Variants in DLGAP2 observed in about 807,000 individuals in gnomAD.
DLGAP2 encodes the protein disks large-associated protein 2.
Under a neutral mutation model 100.3 loss-of-function variants are expected in DLGAP2, and 26 were observed. The observed-to-expected ratio is 0.26, with a 90% CI of 0.19 to 0.36. The LOEUF (loss-of-function observed/expected upper bound fraction) is 0.36, where lower values mean the gene tolerates loss of function less well. Among genes scored for constraint, DLGAP2 ranks in the 10% least tolerant of loss-of-function variants. DLGAP2 has a pLI of 1.00. For missense variants in DLGAP2, 1,858 were observed against 1,453.2 expected, an observed-to-expected ratio of 1.28 and a Z score of -4.53; for synonymous variants, 886 against 630.1, an observed-to-expected ratio of 1.41 and a Z score of -6.08.
rs558429117 is a variant in DLGAP2, at chr8:1,235,442, G to A, written c.74-23409G>A. On this transcript the variant is annotated intron_variant, in intron 2 of 14. Transcript: ENST00000637795. Reference sequence around the variant, plus strand: ...CGTGTCTAGTTCCCTCACACATGGCGTCGTGTCTAGTTCCCTCTCACATGT... The same window carrying A: ...CGTGTCTAGTTCCCTCACACATGGCATCGTGTCTAGTTCCCTCTCACATGT... Among the ~76,000 whole-genome samples the A allele has an allele frequency of 9.2e-5, 14 of 151,794 alleles. No individual in the cohort carries two copies. The East Asian group carries it at 1.2e-3, about 13-fold the overall frequency.
intron 4 of DLGAP2, among the ~76,000 whole-genome samples, chr8:1,532,197 G>T (rs1801008882): frequency 6.6e-6 from 1 of 152,156 alleles, no homozygotes; most frequent in Non-Finnish European, 1.5e-5. Context: ...TTTCCCTTTA[G>T]CTTAGTGATA....
chr8:1,208,907 A>C (rs1798049977), intron 2 of DLGAP2, among the ~76,000 whole-genome samples: 1 of 150,134 alleles, frequency 6.7e-6, no homozygotes, highest in Non-Finnish European at 1.5e-5. Context: ...TAAATAAATA[A>C]ATAAAATGCT....
intron 3 of DLGAP2, among the ~76,000 whole-genome samples, chr8:1,356,106 C>T (rs1801844848): frequency 6.6e-6 from 1 of 152,188 alleles, no homozygotes; most frequent in African/African-American, 2.4e-5. Context: ...ACAAGGTGGG[C>T]CCCACTGGGA....
Position 1,287,694 on chromosome 8 carries a change from A to AGT in DLGAP2, c.106+28836_106+28837dup, listed in dbSNP as rs1271962722. 1.2e-3 allele frequency among the ~76,000 whole-genome samples: 72 copies of AGT among 57,754 alleles called. 2 individuals are homozygous for AGT. Among genetic ancestry groups the AGT allele is most frequent in the South Asian group, 8.3e-3 (11 of 1,332 alleles). The allele number at this position is 57,754 out of a possible 152,430, so 37.9% of individuals were successfully genotyped here. A position where few individuals can be genotyped will look rare whatever the true frequency, so the allele number is the denominator to read the frequency against. On this transcript the variant is annotated intron_variant, in intron 3 of 14. Transcript: ENST00000637795. ...TTAGGAGGGGAACTAGTTTCGGTTCAGTGTGTGTGTGTGTGTGTGTGTGTG... is the reference window on the plus strand; with the variant it reads ...TTAGGAGGGGAACTAGTTTCGGTTCAGTGTGTGTGTGTGTGTGTGTGTGTGTG...
At chr8:1,593,888 A>G (rs1296669145) in intron 6 of DLGAP2, among the ~76,000 whole-genome samples, 1 of 152,222 alleles carries the variant, frequency 6.6e-6, no homozygotes, top group South Asian at 2.1e-4. Context: ...TGATCCATGC[A>G]TCCCACACCT....
chr8:1,287,282 G>GTGTGT (rs1200556783), intron 3 of DLGAP2, among the ~76,000 whole-genome samples: 12,199 of 101,598 alleles, frequency 0.12, 1,822 homozygotes, highest in East Asian at 0.2. Flanking sequence ...GTGTGTGTGT[G>GTGTGT]GTTGTTAGGA....
intron 3 of DLGAP2, among the ~76,000 whole-genome samples, 179 bp downstream of exon 3, chr8:1,259,062 A>G (rs1316719190): frequency 6.6e-6 from 1 of 152,254 alleles, no homozygotes; most frequent in African/African-American, 2.4e-5. Context: ...GGTGAGCGTT[A>G]GGACTCAGCA....
At chr8:1,239,575 G>A (rs1267005956) in intron 2 of DLGAP2, among the ~76,000 whole-genome samples, 1 of 110,030 alleles carries the variant, frequency 9.1e-6, no homozygotes. Context: ...CTCTCACATG[G>A]CGCCGTGTCT....
At position 1,073,408 on chromosome 8, in the gene DLGAP2, G is replaced by T. The variant is rs74704231; in HGVS notation, c.73+165442G>T. 2.8e-3 allele frequency among the ~76,000 whole-genome samples: 420 copies of T among 152,096 alleles called. 9 individuals are homozygous for T. Among genetic ancestry groups the T allele is most frequent in the East Asian group, 6.8e-3 (35 of 5,176 alleles). The stretch of plus-strand genomic sequence containing the variant: ...TGAAATTTTTTTTAATGATCATGGG[G>T]TTCTATGATAGAACTATTTTTGTAT... On this transcript the variant is annotated intron_variant, in intron 2 of 14. Transcript: ENST00000637795.
intron 3 of DLGAP2, among the ~76,000 whole-genome samples, chr8:1,456,070 C>A (rs972733001): frequency 2.6e-5 from 4 of 152,224 alleles, no homozygotes; most frequent in Non-Finnish European, 4.4e-5. Flanking sequence ...TGGCCAACTC[C>A]TGGGTCCCTC....
intron 2 of DLGAP2, among the ~76,000 whole-genome samples, chr8:1,040,158 C>T (rs541523847): frequency 1.5e-4 from 21 of 142,130 alleles, no homozygotes; most frequent in East Asian, 1.1e-3. Flanking sequence ...GTGTTCGGCT[C>T]GGTGTGTGTT....
chr8:1,243,412 C>T (rs1798840285), intron 2 of DLGAP2, among the ~76,000 whole-genome samples: 1 of 152,206 alleles, frequency 6.6e-6, no homozygotes. Context: ...TCCTGCGCAG[C>T]TGCCTGGCCT....
chr8:1,624,699 T>C (rs1797445165), intron 6 of DLGAP2, among the ~76,000 whole-genome samples: 1 of 152,002 alleles, frequency 6.6e-6, no homozygotes, highest in African/African-American at 2.4e-5. Flanking sequence ...CCCCTGCTGG[T>C]GCTGGTGCCG....
Position 1,179,806 on chromosome 8 carries a change from C to T in DLGAP2, c.74-79045C>T, listed in dbSNP as rs374926618. 2.8e-4 allele frequency among the ~76,000 whole-genome samples: 42 copies of T among 152,262 alleles called. 1 individual carries two copies. In the East Asian group the frequency reaches 4.6e-3, roughly 17 times the overall value. Reference sequence around the variant, plus strand: ...AATAAAAATATTTTAGGGTTCACGGCATACCCTTACATTTATACCCAGTGA... The same window carrying T: ...AATAAAAATATTTTAGGGTTCACGGTATACCCTTACATTTATACCCAGTGA... On this transcript the variant is annotated intron_variant, in intron 2 of 14. Coordinates refer to ENST00000637795, the MANE Select transcript of DLGAP2 (RefSeq NM_001346810.2).
intron 2 of DLGAP2, among the ~76,000 whole-genome samples, chr8:1,048,466 T>A (rs938703935): frequency 3.3e-5 from 5 of 152,080 alleles, no homozygotes; most frequent in African/African-American, 9.7e-5. Context: ...TCTGTGCGTC[T>A]GTGCTCAGTG....
rs750190980 is a variant in DLGAP2 at position 1,548,771 on chromosome 8, C to T, written c.318C>T (p.Asp106=). Reference sequence around the variant, plus strand: ...CGTGTGGTCTGGCGCCCCCGGAGGACTGCGAGCACCTGCACCACGGGCCCG... The same window carrying T: ...CGTGTGGTCTGGCGCCCCCGGAGGATTGCGAGCACCTGCACCACGGGCCCG... The part of the protein sequence containing the change: ...GHTCGLAPPE[D]CEHLHHGPDA... The change falls in exon 5 of 15, where the codon GAC becomes GAT. Residue 106 remains aspartate, a synonymous_variant. Coordinates refer to ENST00000637795, the MANE Select transcript of DLGAP2 (RefSeq NM_001346810.2). The T allele has an allele frequency of 3.4e-5, 55 of 1,596,780 alleles. No homozygotes were observed. The highest frequency in any genetic ancestry group is 3.6e-5 in the Non-Finnish European group (42 of 1,174,398).
At chr8:758,439 G>T (rs139100630) in intron 1 of DLGAP2, among the ~76,000 whole-genome samples, 1 of 152,080 alleles carries the variant, frequency 6.6e-6, no homozygotes, top group Non-Finnish European at 1.5e-5. Flanking sequence ...TAACATTTGC[G>T]TATAGTTTAC....
At chr8:912,234 A>T (rs112656683) in intron 2 of DLGAP2, among the ~76,000 whole-genome samples, 1 of 152,178 alleles carries the variant, frequency 6.6e-6, no homozygotes, top group Non-Finnish European at 1.5e-5. Flanking sequence ...CGGGAGTACT[A>T]TGTTTGGTTT....
At chr8:1,197,346 C>T (rs1797774028) in intron 2 of DLGAP2, among the ~76,000 whole-genome samples, 1 of 152,244 alleles carries the variant, frequency 6.6e-6, no homozygotes, top group Non-Finnish European at 1.5e-5. Flanking sequence ...TCCTCTTCTG[C>T]TCAGTACCTG....
Sources: allele counts gnomAD v4.1 joint callset (sites outside exome capture counted in the v4.1 genomes callset), GRCh38; gene constraint gnomAD v4.1.1; transcripts MANE v1.5; gene names NCBI Gene and HGNC (gene_info 2026-07-23, HGNC 2026-07-21).